Variants in RFFL observed in about 807,000 individuals in gnomAD.
RFFL encodes ring finger and FYVE like domain containing E3 ubiquitin protein ligase, also known as E3 ubiquitin-protein ligase rififylin.
In RFFL, 16 loss-of-function variants were observed where a neutral mutation model predicts 40.4. The ratio of observed to expected loss-of-function variants is 0.40; its 90% CI spans 0.27 to 0.60. RFFL has a LOEUF of 0.60. Among genes scored for constraint, RFFL ranks in the 20% least tolerant of loss-of-function variants. The pLI, the probability that RFFL is intolerant of heterozygous loss-of-function variation, is 0.47. For synonymous variants in RFFL, 154 were observed against 167.9 expected (o/e 0.92, Z 0.64); for missense variants, 367 against 451.7 (o/e 0.81, Z 1.70).
At chr17:35,083,437 A>G (rs1401005873) in intron 1 of RFFL, among the ~76,000 whole-genome samples, 3 of 152,212 alleles carry the variant, frequency 2.0e-5, no homozygotes, top group African/African-American at 7.2e-5. Flanking sequence ...TAGAGGGACT[A>G]CCAATTTATA....
At chr17:35,084,201 G>A (rs1051835302) in intron 1 of RFFL, among the ~76,000 whole-genome samples, 3 of 152,034 alleles carry the variant, frequency 2.0e-5, no homozygotes, top group Non-Finnish European at 4.4e-5. Flanking sequence ...ATCATGCCAC[G>A]CACTCTAGCC....
intron 1 of RFFL, among the ~76,000 whole-genome samples, chr17:35,045,919 G>A (rs1386611357): frequency 2.0e-5 from 3 of 151,786 alleles, no homozygotes; most frequent in African/African-American, 7.3e-5. Flanking sequence ...CCAGCTACTC[G>A]GGAGGCTGAG....
At chr17:35,031,074 T>C (rs761037699) in intron 1 of RFFL, among the ~76,000 whole-genome samples, 15 of 152,052 alleles carry the variant, frequency 9.9e-5, no homozygotes, top group Non-Finnish European at 1.9e-4. Flanking sequence ...CTTTCTGGGC[T>C]TGTCCCCTGC....
At chr17:35,086,073 AC>A (rs1294253369) in intron 1 of RFFL, among the ~76,000 whole-genome samples, 29 of 152,328 alleles carry the variant, frequency 1.9e-4, no homozygotes, top group African/African-American at 6.5e-4. Context: ...AGGATATCCT[AC>A]TAAGAGCCAA....
intron 4 of RFFL, 136 bp from the exon 5 acceptor site, chr17:35,016,716 T>G (rs1488450716): frequency 4.6e-6 from 3 of 653,268 alleles, no homozygotes; most frequent in Non-Finnish European, 8.0e-6. Flanking sequence ...ACAGGATGAG[T>G]ACCTGGCATG....
intron 1 of RFFL, 92 bp downstream of exon 1, chr17:35,063,484 A>G (rs949994482): frequency 6.5e-6 from 1 of 154,588 alleles, no homozygotes; most frequent in South Asian, 2.0e-4. Context: ...AAAAAAAAAA[A>G]AAACCTGACT....
chr17:35,055,601 G>A (rs763723518), intron 1 of RFFL, among the ~76,000 whole-genome samples: 16 of 150,442 alleles, frequency 1.1e-4, no homozygotes, highest in Non-Finnish European at 2.1e-4. Context: ...AACCCAGGAG[G>A]CAGAGGTTGC....
intron 1 of RFFL, among the ~76,000 whole-genome samples, chr17:35,080,961 T>G (rs961366864): frequency 2.0e-5 from 3 of 152,222 alleles, no homozygotes; most frequent in African/African-American, 7.2e-5. Context: ...AGCGGCAGCT[T>G]TAAAAAGTCA....
chr17:35,015,685 G>A (rs2090969146), intron 5 of RFFL, among the ~76,000 whole-genome samples: 1 of 152,234 alleles, frequency 6.6e-6, no homozygotes, highest in African/African-American at 2.4e-5. Flanking sequence ...CTGGGGATGG[G>A]AGGAAAGGAG....
chr17:35,007,166 GC>G lies in RFFL; in HGVS notation c.*4801del, dbSNP rs2090901334. 1 of 152,206 alleles carries G rather than the reference GC, an allele frequency of 6.6e-6. No individual in the cohort carries two copies. Among genetic ancestry groups the G allele is most frequent in the Non-Finnish European group, 1.5e-5 (1 of 68,076 alleles). 9.4% of individuals were successfully genotyped at this position (152,206 alleles called of 1,614,324 possible). A position where few individuals can be genotyped will look rare whatever the true frequency, so the allele number is the denominator to read the frequency against. On this transcript the variant is annotated 3_prime_UTR_variant, in exon 7 of 7. Transcript: ENST00000394597. The stretch of plus-strand genomic sequence containing the variant: ...CACTGTCCTCTCCAACCTGGACCCA[GC>G]CCCACTTGCCCTTATTGGTTGCTTA...
rs924444571 is a variant in RFFL, at chr17:35,077,079, T to TTA, written c.-9+12024_-9+12025dup. ...TAAAAATAAAATATATTAAAATAAA[T>TTA]TATATATATATTAAATATATATAAA... On this transcript the variant is annotated intron_variant, in intron 1 of 6. Coordinates refer to the RFFL transcript ENST00000315249. 91 of 159,856 alleles carry TTA rather than the reference T, an allele frequency of 5.7e-4. No homozygotes were observed. In the East Asian group the frequency reaches 0.011, roughly 19 times the overall value. The allele number at this position is 159,856 out of a possible 1,614,324, so 9.9% of individuals were successfully genotyped here. A position where few individuals can be genotyped will look rare whatever the true frequency, so the allele number is the denominator to read the frequency against.
At chr17:35,047,136 A>C (rs968486884) in intron 1 of RFFL, among the ~76,000 whole-genome samples, 5 of 152,206 alleles carry the variant, frequency 3.3e-5, no homozygotes, top group Non-Finnish European at 2.9e-5. Flanking sequence ...TCTACTGAAG[A>C]AGCTGCTTTC....
intron 1 of RFFL, among the ~76,000 whole-genome samples, chr17:35,046,069 G>A (rs1330122564): frequency 2.0e-5 from 3 of 150,812 alleles, no homozygotes; most frequent in South Asian, 2.1e-4. Context: ...TTATGATTCC[G>A]GGATGATCAG....
At chr17:35,072,809 C>T (rs982783709) in intron 1 of RFFL, among the ~76,000 whole-genome samples, 3 of 151,778 alleles carry the variant, frequency 2.0e-5, no homozygotes, top group African/African-American at 7.3e-5. Context: ...TTTGGGAGGC[C>T]GAGGCAGGTG....
chr17:35,068,521 C>T (rs2091331978), upstream of RFFL, among the ~76,000 whole-genome samples: 1 of 152,228 alleles, frequency 6.6e-6, no homozygotes, highest in Admixed American at 6.5e-5. Context: ...CAAAACAACC[C>T]CCCAGTTGTG....
intron 2 of RFFL, among the ~76,000 whole-genome samples, chr17:35,023,736 A>T (rs902882538): frequency 6.6e-6 from 1 of 152,236 alleles, no homozygotes; most frequent in Admixed American, 6.5e-5. Flanking sequence ...TGCGTTGCTC[A>T]ATCAGCCAGA....
At chr17:35,037,977 T>C (rs1328269548) in intron 1 of RFFL, among the ~76,000 whole-genome samples, 2 of 152,006 alleles carry the variant, frequency 1.3e-5, no homozygotes, top group African/African-American at 4.8e-5. Flanking sequence ...TACTAGCAAA[T>C]GTTGATAAGG....
chr17:35,046,760 A>C (rs2091202365), intron 1 of RFFL, among the ~76,000 whole-genome samples: 1 of 152,220 alleles, frequency 6.6e-6, no homozygotes, highest in Non-Finnish European at 1.5e-5. Flanking sequence ...AAGTTCAGGG[A>C]AAAGTAATTC....
intron 1 of RFFL, among the ~76,000 whole-genome samples, chr17:35,028,734 C>T (rs2091060877): frequency 6.6e-6 from 1 of 152,024 alleles, no homozygotes; most frequent in Non-Finnish European, 1.5e-5. Context: ...CTGATTCAAC[C>T]TGGGTTATTT....
Sources: gnomAD v4.1 joint callset for allele counts (sites outside exome capture counted in the v4.1 genomes callset) on GRCh38, gnomAD v4.1.1 for gene constraint, MANE v1.5 for transcripts, NCBI Gene and HGNC (gene_info 2026-07-23, HGNC 2026-07-21) for gene names.